Variants in UBTD1 observed in about 807,000 individuals in gnomAD.
The protein encoded by UBTD1 is ubiquitin domain-containing protein 1.
A neutral mutation model predicts 21.7 loss-of-function variants in UBTD1; 19 were observed. The observed-to-expected ratio is 0.87, with a 90% CI of 0.61 to 1.28. UBTD1 has a LOEUF of 1.28. Ranked by LOEUF, UBTD1 falls within the 50% of genes most tolerant of loss-of-function variation. The pLI is 0.00. For synonymous variants in UBTD1, 116 were observed against 135.1 expected (o/e 0.86, Z 0.98); for missense variants, 282 against 315.1 (o/e 0.89, Z 0.80).
intron 1 of UBTD1, among the ~76,000 whole-genome samples, chr10:97,511,332 G>C (rs1164757675): frequency 6.6e-6 from 1 of 152,060 alleles, no homozygotes. Context: ...GTCTTGAGGG[G>C]GTGGGGGTAC....
chr10:97,561,225 A>C (rs1356793956), intron 1 of UBTD1, among the ~76,000 whole-genome samples: 2 of 152,100 alleles, frequency 1.3e-5, no homozygotes, highest in East Asian at 3.9e-4. Flanking sequence ...GGCTGGCCGG[A>C]GTTCCCCACA....
chr10:97,506,413 A>G (rs888600836), intron 1 of UBTD1, among the ~76,000 whole-genome samples: 3 of 151,972 alleles, frequency 2.0e-5, no homozygotes, highest in African/African-American at 7.3e-5. Context: ...TCCACCTACA[A>G]TCATTGCTGT....
At chr10:97,521,611 G>C (rs2135664249) in intron 1 of UBTD1, among the ~76,000 whole-genome samples, 1 of 152,338 alleles carries the variant, frequency 6.6e-6, no homozygotes, top group South Asian at 2.1e-4. Context: ...ATCAAGCTGG[G>C]AGGGCCACCC....
chr10:97,539,211 A>G (rs192706451), intron 1 of UBTD1, among the ~76,000 whole-genome samples: 276 of 152,260 alleles, frequency 1.8e-3, no homozygotes, highest in Non-Finnish European at 3.2e-3. Flanking sequence ...GTCAGGAGGG[A>G]TGGGCAGGGG....
intron 1 of UBTD1, among the ~76,000 whole-genome samples, chr10:97,548,641 G>A (rs967357468): frequency 2.0e-5 from 3 of 152,142 alleles, no homozygotes; most frequent in African/African-American, 4.8e-5. Context: ...ACTAGCCATG[G>A]TGGCACACGC....
intron 1 of UBTD1, among the ~76,000 whole-genome samples, chr10:97,505,484 T>TA (rs1296492475): frequency 6.6e-6 from 1 of 152,246 alleles, no homozygotes; most frequent in Non-Finnish European, 1.5e-5. Flanking sequence ...TCCCCCGTTT[T>TA]AAAAAGATAA....
intron 1 of UBTD1, among the ~76,000 whole-genome samples, chr10:97,539,695 G>C (rs1385612436): frequency 1.3e-5 from 2 of 152,174 alleles, no homozygotes; most frequent in African/African-American, 2.4e-5. Context: ...AGCCTTTCTT[G>C]GGGGAGGGGA....
intron 1 of UBTD1, among the ~76,000 whole-genome samples, chr10:97,550,270 T>C (rs2040630759): frequency 6.6e-6 from 1 of 152,138 alleles, no homozygotes; most frequent in Non-Finnish European, 1.5e-5. Flanking sequence ...GGTAACCGAG[T>C]GTGGAACAGC....
chr10:97,528,822 T>G (rs1589873295), intron 1 of UBTD1, among the ~76,000 whole-genome samples: 1 of 129,896 alleles, frequency 7.7e-6, no homozygotes, highest in African/African-American at 3.0e-5. Context: ...GCAGAGGGGC[T>G]CCTCACTTCC....
chr10:97,521,340 C>T (rs964368269), intron 1 of UBTD1, among the ~76,000 whole-genome samples: 1 of 152,192 alleles, frequency 6.6e-6, no homozygotes, highest in African/African-American at 2.4e-5. Context: ...GGATGCCTGG[C>T]ACTCATGAGT....
chr10:97,560,041 T>C (rs1482535829), intron 1 of UBTD1, among the ~76,000 whole-genome samples: 1 of 152,190 alleles, frequency 6.6e-6, no homozygotes, highest in Non-Finnish European at 1.5e-5. Context: ...TACAACATTT[T>C]TTGCATAAAT....
chr10:97,510,859 C>T (rs1426533882), intron 1 of UBTD1, among the ~76,000 whole-genome samples: 1 of 152,218 alleles, frequency 6.6e-6, no homozygotes, highest in African/African-American at 2.4e-5. Flanking sequence ...ACACACCCTA[C>T]ATACAATTCT....
intron 1 of UBTD1, among the ~76,000 whole-genome samples, chr10:97,503,129 T>C (rs2040384494): frequency 6.6e-6 from 1 of 152,154 alleles, no homozygotes; most frequent in Non-Finnish European, 1.5e-5. Flanking sequence ...TTGCCCAGGC[T>C]GGTCTGAAAC....
intron 1 of UBTD1, among the ~76,000 whole-genome samples, chr10:97,534,301 T>G (rs1772206542): frequency 1.3e-5 from 2 of 152,224 alleles, no homozygotes; most frequent in Admixed American, 1.3e-4. Context: ...GCCTGAGCCC[T>G]GGGACTGAGA....
chr10:97,517,779 C>T (rs1253712609), intron 1 of UBTD1, among the ~76,000 whole-genome samples: 1 of 152,118 alleles, frequency 6.6e-6, no homozygotes, highest in Admixed American at 6.5e-5. Flanking sequence ...CAGCAGGTGC[C>T]CAGGCCTCAT....
At chr10:97,505,881 TC>T (rs1335333609) in intron 1 of UBTD1, among the ~76,000 whole-genome samples, 1 of 152,224 alleles carries the variant, frequency 6.6e-6, no homozygotes, top group Non-Finnish European at 1.5e-5. Context: ...TCCCACTAGA[TC>T]ATTGAAGCTT....
intron 1 of UBTD1, among the ~76,000 whole-genome samples, chr10:97,540,413 G>A (rs1232614816): frequency 6.6e-6 from 1 of 152,226 alleles, no homozygotes; most frequent in Non-Finnish European, 1.5e-5. Context: ...GTGGGGGTCA[G>A]GATGGGAGTT....
rs532008774 is a variant in UBTD1, at chr10:97,570,654, A to G, written c.*131A>G. On this transcript the variant is annotated 3_prime_UTR_variant, in exon 3 of 3. Transcript: ENST00000370664. The surrounding 1 kb of genome is among the most constrained non-coding windows in gnomAD (Gnocchi z 6.6). ...TGGCTGGTGGGTGAGCCGTGAAGGGACCCTGCCTTTCAGGGCACTACGCGC... is the reference window on the plus strand; with the variant it reads ...TGGCTGGTGGGTGAGCCGTGAAGGGGCCCTGCCTTTCAGGGCACTACGCGC... 1,507 of 1,197,414 alleles carry G rather than the reference A, an allele frequency of 1.3e-3. 21 individuals are homozygous for G. The South Asian group carries it at 0.019, about 15-fold the overall frequency. The allele number at this position is 1,197,414 out of a possible 1,614,324, so 74.2% of individuals were successfully genotyped here. A position where few individuals can be genotyped will look rare whatever the true frequency, so the allele number is the denominator to read the frequency against.
chr10:97,521,065 G>A (rs543599694), intron 1 of UBTD1, among the ~76,000 whole-genome samples: 1 of 152,328 alleles, frequency 6.6e-6, no homozygotes, highest in South Asian at 2.1e-4. Context: ...CACAGACTGA[G>A]GCCCTGGGCC....
Sources: gnomAD v4.1 joint callset for allele counts (sites outside exome capture counted in the v4.1 genomes callset) on GRCh38, gnomAD v4.1.1 for gene constraint, Gnocchi (gnomAD v3.1) non-coding constraint, MANE v1.5 for transcripts, NCBI Gene and HGNC (gene_info 2026-07-23, HGNC 2026-07-21) for gene names.